The following CCDC88A variants were observed in gnomAD, a reference collection of about 807,000 sequenced individuals.
The protein encoded by CCDC88A is girdin.
CCDC88A carries 54 observed loss-of-function variants against 234.3 expected under a neutral mutation model. The observed-to-expected ratio is 0.23, with a 90% CI of 0.19 to 0.29. CCDC88A has a LOEUF of 0.29. Among genes scored for constraint, CCDC88A ranks in the 10% least tolerant of loss-of-function variants. The pLI is 1.00. For synonymous variants in CCDC88A, 753 were observed against 737.8 expected, an observed-to-expected ratio of 1.02 and a Z score of -0.33; for missense variants, 1,832 against 2,123.4, an observed-to-expected ratio of 0.86 and a Z score of 2.70.
At chr2:55,295,279 T>C in intron 31 of CCDC88A, 1 of 1,396,050 alleles carries the variant, frequency 7.2e-7, no homozygotes, top group Non-Finnish European at 9.5e-7. Context: ...TGGTCAGTTA[T>C]TCTGATAACT....
chr2:55,315,454 T>G (rs1340683518), intron 22 of CCDC88A: 1 of 152,332 alleles, frequency 6.6e-6, no homozygotes, highest in Non-Finnish European at 1.5e-5. Flanking sequence ...AAGGTTGTTT[T>G]TGACAGTTCT....
intron 23 of CCDC88A, among the ~76,000 whole-genome samples, chr2:55,311,769 T>A (rs1682379270): frequency 6.6e-6 from 1 of 152,228 alleles, no homozygotes. Context: ...ATGTGAGTCT[T>A]AACAGATTGT....
Position 55,317,032 on chromosome 2 carries a change from G to C in CCDC88A, c.3746+174C>G, listed in dbSNP as rs1237548504. 1 of 217,548 alleles carries C rather than the reference G, an allele frequency of 4.6e-6. No individual in the cohort carries two copies. Among genetic ancestry groups the C allele is most frequent in the Non-Finnish European group, 8.7e-6 (1 of 115,208 alleles). The allele number at this position is 217,548 out of a possible 1,614,324, so 13.5% of individuals were successfully genotyped here. On this transcript the variant is annotated intron_variant, in intron 21 of 32. Transcript: ENST00000436346. This position sits in a 1 kb window ranked among gnomAD's most constrained non-coding sequence, Gnocchi z 4.2. ...TTACAGGTGTGAGCCACTGCACCCAGCCTATTCTATTTTTTAAAATTCCGA... is the reference window on the plus strand; with the variant it reads ...TTACAGGTGTGAGCCACTGCACCCACCCTATTCTATTTTTTAAAATTCCGA...
chr2:55,347,606 C>CTTTTTTTTTTTTTTTTTTTTTTT (rs547733323), intron 9 of CCDC88A, among the ~76,000 whole-genome samples: 1 of 102,138 alleles, frequency 9.8e-6, no homozygotes, highest in Non-Finnish European at 1.9e-5. Flanking sequence ...ATTCATCTAC[C>CTTTTTTTTTTTTTTTTTTTTTTT]TTTTTTTTTT....
At chr2:55,398,834 C>A (rs1299944681) in intron 2 of CCDC88A, among the ~76,000 whole-genome samples, 4 of 151,842 alleles carry the variant, frequency 2.6e-5, no homozygotes, top group African/African-American at 9.7e-5. Flanking sequence ...CATCGCACTC[C>A]CACCTGGGTG....
chr2:55,339,209 T>C, intron 13 of CCDC88A: 3 of 328,212 alleles, frequency 9.1e-6, no homozygotes, highest in Non-Finnish European at 1.6e-5. Context: ...TCCATCTGCC[T>C]TGGCCTCCCA....
intron 2 of CCDC88A, among the ~76,000 whole-genome samples, chr2:55,395,375 A>G (rs115547180): frequency 0.016 from 2,367 of 152,224 alleles, 67 homozygotes; most frequent in African/African-American, 0.054. Context: ...AAAGTCCTAG[A>G]CTATATACTC....
rs1684542498 is a variant in CCDC88A at position 55,328,639 on chromosome 2, G to A, written c.2856-204C>T. On this transcript the variant is annotated intron_variant, in intron 16 of 32. Transcript: ENST00000436346. The surrounding 1 kb of genome is among the most constrained non-coding windows in gnomAD (Gnocchi z 4.3). ...TAATGAAGCAACAAAATCATTGAGT[G>A]AACAGAGCTCCGGATTATGGCTTAG... The A allele has an allele frequency of 2.6e-6, 1 of 384,728 alleles. No individual in the cohort carries two copies. The allele number at this position is 384,728 out of a possible 1,614,324, so 23.8% of individuals were successfully genotyped here.
At position 55,317,243 on chromosome 2, in the gene CCDC88A, C is replaced by T; in HGVS notation, c.3709G>A (p.Ala1237Thr). 6.5e-7 allele frequency: 1 copy of T among 1,545,928 alleles called. No homozygotes were observed. Among genetic ancestry groups the T allele is most frequent in the Non-Finnish European group, 8.8e-7 (1 of 1,142,140 alleles). ...CCACAAAGTTTCTTGTATTCTGCAG[C>T]TACTGTTTCATGATTTTTATTTTCA... ...LLENKNHETV[A>T]AEYKKLCGEN... Residue 1237 changes from alanine to threonine, a missense_variant, in exon 21 of 33, where the codon GCT (alanine) becomes ACT (threonine). Physicochemically the swap from Ala to Thr is moderately conservative, Grantham distance 58. Around this residue, in one of 6 missense-constraint regions of CCDC88A, gnomAD observed 1,282 missense variants for 1,543.6 expected, o/e 0.83. Coordinates refer to ENST00000436346, the MANE Select transcript of CCDC88A (RefSeq NM_001365480.1). This position sits in a 1 kb window ranked among gnomAD's most constrained non-coding sequence, Gnocchi z 4.2.
chr2:55,339,607 A>C lies in CCDC88A; in HGVS notation c.1375T>G (p.Ser459Ala), dbSNP rs1489545425. ...ATCTCTAGCTTCAATAATCTACTTGATGTCAACTCATTCACCTCATGGCCC... is the reference window on the plus strand; with the variant it reads ...ATCTCTAGCTTCAATAATCTACTTGCTGTCAACTCATTCACCTCATGGCCC... ...SLGHEVNELT[S>A]SRLLKLEMEN... The change falls in exon 13 of 33, where the codon TCA (serine) becomes GCA (alanine). Residue 459 changes from serine (S) to alanine (A), a missense_variant. Ser to Ala is a moderately conservative substitution (Grantham distance 99). Transcript: ENST00000436346. 2 of 1,612,456 alleles carry C rather than the reference A, an allele frequency of 1.2e-6. No individual in the cohort carries two copies. The highest frequency in any genetic ancestry group is 1.7e-6 in the Non-Finnish European group (2 of 1,179,522).
At chr2:55,318,460 AG>A (rs1489438278) in intron 19 of CCDC88A, among the ~76,000 whole-genome samples, 1 of 152,102 alleles carries the variant, frequency 6.6e-6, no homozygotes, top group Non-Finnish European at 1.5e-5. Context: ...AACTTAGGAG[AG>A]GTCTAAAGAC....
rs939063499 is a variant in CCDC88A at position 55,372,778 on chromosome 2, C to T, written c.344-268G>A. On this transcript the variant is annotated intron_variant, in intron 4 of 32. Coordinates refer to ENST00000436346, the MANE Select transcript of CCDC88A (RefSeq NM_001365480.1). ...AACAAGTATGCTAACTATGAATCTA[C>T]TCCTTTTCCATAAATGATTGTACTA... 3.3e-5 allele frequency among the ~76,000 whole-genome samples: 5 copies of T among 152,152 alleles called. No individual in the cohort carries two copies. In the East Asian group the frequency reaches 7.7e-4, roughly 23 times the overall value.
chr2:55,326,385 A>T (rs1193190102), intron 17 of CCDC88A, among the ~76,000 whole-genome samples: 2 of 152,080 alleles, frequency 1.3e-5, no homozygotes, highest in Non-Finnish European at 2.9e-5. Flanking sequence ...CCTCTTTGTC[A>T]TACTAATTTA....
rs1314290428 is a variant in CCDC88A, at chr2:55,303,118, G to T, written c.4422C>A (p.Asn1474Lys). ...VALKRLPFLR[N>K]RPKDKDKMKA... is the part of the protein sequence containing the mutation. ...TCATTTTGTCTTTATCCTTCGGTCT[G>T]TTCCTCAAAAAGGGCAGTCTTTTCA... The change falls in exon 26 of 33, where the codon AAC becomes AAA. Residue 1474 changes from asparagine (N) to lysine (K), a missense_variant. Asn to Lys is a moderately conservative substitution (Grantham distance 94). This residue lies in a region of CCDC88A where 1,282 missense variants were observed against 1,543.6 expected (regional missense o/e 0.83). Coordinates refer to ENST00000436346, the MANE Select transcript of CCDC88A (RefSeq NM_001365480.1). The T allele has an allele frequency of 3.9e-6, 6 of 1,551,666 alleles. No homozygotes were observed. Among genetic ancestry groups the T allele is most frequent in the South Asian group, 1.2e-5 (1 of 84,052 alleles).
chr2:55,296,275 T>C lies in CCDC88A; in HGVS notation c.5074A>G (p.Lys1692Glu). Residue 1692 changes from lysine (K) to glutamate (E), a missense_variant, in exon 30 of 33, where the codon AAG becomes GAG. Coordinates refer to ENST00000436346, the MANE Select transcript of CCDC88A (RefSeq NM_001365480.1). ...TLQQFLEESN[K>E]LTSVQIKSSS... is the part of the protein sequence containing the mutation. ...AAACTAACCTGTACTGAGGTAAGCT[T>C]ATTGCTTTCTTCCAAAAACTGTTGT... 2 of 1,614,152 alleles carry C rather than the reference T, an allele frequency of 1.2e-6. No individual in the cohort carries two copies. Among genetic ancestry groups the C allele is most frequent in the Middle Eastern group, 3.3e-4 (2 of 6,060 alleles).
intron 3 of CCDC88A, among the ~76,000 whole-genome samples, chr2:55,383,494 G>A (rs1339343047): frequency 2.6e-5 from 4 of 151,766 alleles, no homozygotes; most frequent in African/African-American, 9.7e-5. Flanking sequence ...GTGGTGGCAG[G>A]TGCCTGTAAT....
chr2:55,365,116 T>C (rs1479431296), intron 5 of CCDC88A, among the ~76,000 whole-genome samples: 1 of 152,166 alleles, frequency 6.6e-6, no homozygotes, highest in African/African-American at 2.4e-5. Context: ...CTATATCTTG[T>C]AAACACAGAA....
At chr2:55,351,494 A>C (rs1487966906) in intron 8 of CCDC88A, among the ~76,000 whole-genome samples, 2 of 152,072 alleles carry the variant, frequency 1.3e-5, no homozygotes, top group African/African-American at 4.8e-5. Context: ...CCACAGGCAC[A>C]TGCCACCACA....
At chr2:55,297,355 A>ATTATATATAATATATATTATATAT (rs1680254327) in intron 29 of CCDC88A, among the ~76,000 whole-genome samples, 9 of 97,194 alleles carry the variant, frequency 9.3e-5, no homozygotes, top group African/African-American at 4.5e-4. Context: ...TATTATATAT[A>ATTATATATAATATATATTATATAT]AATATATATA....
Sources: allele counts gnomAD v4.1 joint callset (sites outside exome capture counted in the v4.1 genomes callset), GRCh38; gene constraint gnomAD v4.1.1; regional missense constraint gnomAD v4.1.1; non-coding constraint Gnocchi (gnomAD v3.1); transcripts MANE v1.5; gene names NCBI Gene and HGNC (gene_info 2026-07-23, HGNC 2026-07-21).